Variants in OTUD7A observed in about 807,000 individuals in gnomAD.
OTUD7A encodes OTU domain-containing protein 7A.
A neutral mutation model predicts 65.7 loss-of-function variants in OTUD7A; 12 were observed. That is an observed-to-expected ratio of 0.18 (90% CI 0.12 to 0.30). The LOEUF is 0.30. Among genes scored for constraint, OTUD7A ranks in the 10% least tolerant of loss-of-function variants. The pLI is 1.00. For synonymous variants in OTUD7A, 641 were observed against 586.3 expected (o/e 1.09, Z -1.35); for missense variants, 1,148 against 1,304.8 (o/e 0.88, Z 1.85).
intron 1 of OTUD7A, among the ~76,000 whole-genome samples, chr15:31,811,409 C>T (rs1221779068): frequency 6.6e-6 from 1 of 150,924 alleles, no homozygotes; most frequent in Non-Finnish European, 1.5e-5. Flanking sequence ...ATGATGTGGG[C>T]TGTGTCTGTG....
intron 8 of OTUD7A, among the ~76,000 whole-genome samples, chr15:31,516,873 C>T (rs958558912): frequency 3.9e-5 from 6 of 152,204 alleles, no homozygotes; most frequent in Non-Finnish European, 5.9e-5. Context: ...CCTCCATGCC[C>T]AGGATCTATA....
intron 4 of OTUD7A, among the ~76,000 whole-genome samples, chr15:31,562,907 A>G (rs1595613303): frequency 1.3e-5 from 2 of 152,186 alleles, no homozygotes; most frequent in African/African-American, 4.8e-5. Context: ...TTAGAATATG[A>G]AATGTTCCAT....
At chr15:31,687,107 G>GAA (rs11302415) in intron 1 of OTUD7A, among the ~76,000 whole-genome samples, 10,420 of 146,344 alleles carry the variant, frequency 0.071, 411 homozygotes, top group Middle Eastern at 0.086. Flanking sequence ...GATTTAAATA[G>GAA]AAAAAAAAAA....
chr15:31,523,099 T>C (rs2041960249), intron 8 of OTUD7A, among the ~76,000 whole-genome samples: 2 of 152,220 alleles, frequency 1.3e-5, no homozygotes, highest in Non-Finnish European at 2.9e-5. Flanking sequence ...CTCTTTCCTA[T>C]TCCCGGGTGG....
chr15:31,493,601 C>T (rs2041347158), intron 10 of OTUD7A, among the ~76,000 whole-genome samples: 1 of 152,184 alleles, frequency 6.6e-6, no homozygotes, highest in African/African-American at 2.4e-5. Flanking sequence ...GGAATATTCA[C>T]CAACACAGAA....
chr15:31,601,350 C>T (rs1016410938), intron 3 of OTUD7A, among the ~76,000 whole-genome samples: 1 of 152,174 alleles, frequency 6.6e-6, no homozygotes, highest in Non-Finnish European at 1.5e-5. Flanking sequence ...CAACCTGCTC[C>T]TGAATGACTC....
chr15:31,760,152 A>T (rs570591731), intron 1 of OTUD7A, among the ~76,000 whole-genome samples: 1 of 151,852 alleles, frequency 6.6e-6, no homozygotes, highest in Admixed American at 6.6e-5. Context: ...AGAACTCTTG[A>T]TCTTCCCTAT....
chr15:31,858,161 C>T (rs964784243), intron 1 of OTUD7A, among the ~76,000 whole-genome samples: 2 of 152,080 alleles, frequency 1.3e-5, no homozygotes, highest in East Asian at 1.9e-4. Context: ...TCAAAAGGCC[C>T]GAGCAGCCCG....
chr15:31,694,819 C>A (rs184789244), intron 1 of OTUD7A, among the ~76,000 whole-genome samples: 1 of 152,178 alleles, frequency 6.6e-6, no homozygotes, highest in Non-Finnish European at 1.5e-5. Flanking sequence ...TGAATATTAT[C>A]CATTGTGTAT....
At chr15:31,595,243 T>C (rs772284302) in intron 3 of OTUD7A, among the ~76,000 whole-genome samples, 2 of 152,234 alleles carry the variant, frequency 1.3e-5, no homozygotes, top group Non-Finnish European at 2.9e-5. Flanking sequence ...GATTTTACCT[T>C]GGAAGAGACC....
At chr15:31,605,414 G>A (rs1381376746) in intron 3 of OTUD7A, among the ~76,000 whole-genome samples, 2 of 152,178 alleles carry the variant, frequency 1.3e-5, no homozygotes, top group East Asian at 3.9e-4. Context: ...ACAGGCATTT[G>A]GCACCTGAGT....
chr15:31,753,736 T>C (rs1894729249), intron 1 of OTUD7A, among the ~76,000 whole-genome samples: 1 of 135,868 alleles, frequency 7.4e-6, no homozygotes, highest in South Asian at 2.2e-4. Context: ...TATATATATA[T>C]ATATCTCACA....
rs2041207185 is a variant in OTUD7A, at chr15:31,484,639, T to G, written c.1457A>C (p.Asp486Ala). The G allele has an allele frequency of 6.3e-7, 1 of 1,588,718 alleles. No homozygotes were observed. The highest frequency in any genetic ancestry group is 8.6e-7 in the Non-Finnish European group (1 of 1,169,148). The change falls in exon 13 of 13, where the codon GAT becomes GCT. Residue 486 changes from aspartate to alanine, a missense_variant. Transcript: ENST00000307050. The surrounding 1 kb of genome is among the most constrained non-coding windows in gnomAD (Gnocchi z 4.5). ...GCTGTTAGAATTGCTGCACACCGAA[T>G]CGCGGTCCGAGTCCAGCGAGTCGGC... Reference protein sequence around the residue: ...SLADSLDSDRDSVCSNSNSNN... With the variant: ...SLADSLDSDRASVCSNSNSNN...
At chr15:31,768,162 T>C in intron 1 of OTUD7A, 1 of 1,543,190 alleles carries the variant, frequency 6.5e-7, no homozygotes, top group Non-Finnish European at 9.0e-7. Flanking sequence ...CACAGCTTGG[T>C]GGCCCGATAA....
intron 4 of OTUD7A, among the ~76,000 whole-genome samples, chr15:31,565,791 G>A (rs1213896865): frequency 1.3e-5 from 2 of 152,150 alleles, no homozygotes; most frequent in Non-Finnish European, 2.9e-5. Context: ...AAATGTACTT[G>A]AATAACTCTC....
At chr15:31,717,216 TTCTCAG>T (rs1893613160) in intron 1 of OTUD7A, among the ~76,000 whole-genome samples, 1 of 149,742 alleles carries the variant, frequency 6.7e-6, no homozygotes, top group African/African-American at 2.5e-5. Context: ...CTGAAACAGT[TTCTCAG>T]TCTATCACTT....
At chr15:31,525,627 T>C (rs1380973997) in intron 8 of OTUD7A, among the ~76,000 whole-genome samples, 20 of 152,224 alleles carry the variant, frequency 1.3e-4, no homozygotes, top group Admixed American at 1.3e-3. Flanking sequence ...TCACACTTTC[T>C]CATGTTTGGC....
At chr15:31,560,943 G>A (rs1006903987) in intron 4 of OTUD7A, among the ~76,000 whole-genome samples, 8 of 152,214 alleles carry the variant, frequency 5.3e-5, no homozygotes, top group Admixed American at 2.6e-4. Flanking sequence ...TGGCATTCAT[G>A]GAGTTTTGTT....
intron 1 of OTUD7A, among the ~76,000 whole-genome samples, chr15:31,863,797 T>C (rs1167890141): frequency 2.6e-5 from 4 of 152,236 alleles, no homozygotes; most frequent in Non-Finnish European, 5.9e-5. Context: ...CTTATGCACA[T>C]TTCTGAAGCT....
Sources: allele counts gnomAD v4.1 joint callset (sites outside exome capture counted in the v4.1 genomes callset), GRCh38; gene constraint gnomAD v4.1.1; non-coding constraint Gnocchi (gnomAD v3.1); transcripts MANE v1.5; gene names NCBI Gene and HGNC (gene_info 2026-07-23, HGNC 2026-07-21).